THSD7A: variants seen among roughly 807,000 people sequenced by gnomAD.
THSD7A encodes the protein thrombospondin type-1 domain-containing protein 7A.
Under a neutral mutation model 231.3 loss-of-function variants are expected in THSD7A, and 96 were observed. The observed-to-expected ratio is 0.41, with a 90% confidence interval of 0.35 to 0.49. The LOEUF is 0.49. Among genes scored for constraint, THSD7A ranks in the 20% least tolerant of loss-of-function variants. THSD7A has a pLI of 0.05. For synonymous variants in THSD7A, 940 were observed against 743.3 expected, an observed-to-expected ratio of 1.26 and a Z score of -4.30; for missense variants, 2,290 against 2,070.2, an observed-to-expected ratio of 1.11 and a Z score of -2.06.
At chr7:11,445,338 T>G (rs1264764302) in intron 13 of THSD7A, among the ~76,000 whole-genome samples, 1 of 152,088 alleles carries the variant, frequency 6.6e-6, no homozygotes, top group Non-Finnish European at 1.5e-5. Flanking sequence ...CAGAGAAAAT[T>G]GCTTAATACT....
chr7:11,794,010 C>T (rs1005764637), intron 1 of THSD7A, among the ~76,000 whole-genome samples: 2 of 151,374 alleles, frequency 1.3e-5, no homozygotes, highest in African/African-American at 2.4e-5. Flanking sequence ...TTTTCAAAAA[C>T]GAATGTGAAA....
chr7:11,526,482 T>C (rs1192889783), intron 6 of THSD7A, among the ~76,000 whole-genome samples: 1 of 152,156 alleles, frequency 6.6e-6, no homozygotes, highest in Non-Finnish European at 1.5e-5. Context: ...TGATTACATA[T>C]TTTCCCATCT....
chr7:11,612,242 G>A (rs1011275564), intron 2 of THSD7A, among the ~76,000 whole-genome samples: 1 of 152,040 alleles, frequency 6.6e-6, no homozygotes, highest in African/African-American at 2.4e-5. Context: ...CATGCTGCAG[G>A]CATCCCAGGG....
chr7:11,684,336 T>C (rs1779953273), intron 1 of THSD7A, among the ~76,000 whole-genome samples: 1 of 151,400 alleles, frequency 6.6e-6, no homozygotes, highest in South Asian at 2.1e-4. Context: ...GACAAGGATG[T>C]TTGTTCTCAT....
intron 6 of THSD7A, among the ~76,000 whole-genome samples, chr7:11,494,900 T>C (rs1175394894): frequency 6.6e-6 from 1 of 152,152 alleles, no homozygotes; most frequent in Non-Finnish European, 1.5e-5. Context: ...AGAGATAATC[T>C]ATGCTTAAAA....
intron 6 of THSD7A, among the ~76,000 whole-genome samples, chr7:11,535,079 T>C (rs1254415632): frequency 1.3e-5 from 2 of 152,218 alleles, no homozygotes; most frequent in East Asian, 3.8e-4. Flanking sequence ...TTTGAAGTTG[T>C]AGCTAACATT....
chr7:11,815,300 C>T (rs1182094387), intron 1 of THSD7A, among the ~76,000 whole-genome samples: 1 of 151,520 alleles, frequency 6.6e-6, no homozygotes, highest in African/African-American at 2.4e-5. Context: ...AGTGATGGAC[C>T]TGCAGCAGGG....
At chr7:11,403,862 G>T (rs551496742) in intron 22 of THSD7A, among the ~76,000 whole-genome samples, 18 of 151,920 alleles carry the variant, frequency 1.2e-4, no homozygotes, top group South Asian at 4.2e-4. Context: ...AAAATTACCC[G>T]ATGCCTGCCA....
intron 17 of THSD7A, among the ~76,000 whole-genome samples, chr7:11,414,971 T>C (rs1157654232): frequency 6.6e-6 from 1 of 152,192 alleles, no homozygotes; most frequent in African/African-American, 2.4e-5. Flanking sequence ...GAAGAAACAA[T>C]GTGAGTTAAA....
At chr7:11,799,806 T>C (rs1784227677) in intron 1 of THSD7A, among the ~76,000 whole-genome samples, 1 of 152,322 alleles carries the variant, frequency 6.6e-6, no homozygotes, top group East Asian at 1.9e-4. Context: ...AGGAAGAATT[T>C]TGTTATATGA....
intron 23 of THSD7A, among the ~76,000 whole-genome samples, chr7:11,394,699 C>T (rs529085604): frequency 5.9e-5 from 9 of 152,304 alleles, no homozygotes; most frequent in East Asian, 3.9e-4. Context: ...TTTGGAATCA[C>T]GCCTACACTG....
intron 6 of THSD7A, among the ~76,000 whole-genome samples, chr7:11,493,408 G>T: frequency 6.6e-6 from 1 of 152,022 alleles, no homozygotes; most frequent in Non-Finnish European, 1.5e-5. Context: ...CAAACCTGAT[G>T]GGAAGTTTCT....
chr7:11,416,068 G>T (rs944815137), intron 17 of THSD7A, among the ~76,000 whole-genome samples: 4 of 152,076 alleles, frequency 2.6e-5, no homozygotes, highest in African/African-American at 9.7e-5. Flanking sequence ...TTTCTTTAAA[G>T]AAATATAAAG....
intron 1 of THSD7A, among the ~76,000 whole-genome samples, chr7:11,710,090 ATTT>A (rs533515786): frequency 6.0e-5 from 9 of 150,244 alleles, no homozygotes; most frequent in South Asian, 2.1e-4. Flanking sequence ...AATAAATGCT[ATTT>A]TTTTTTAAAA....
chr7:11,805,610 A>G (rs560604574), intron 1 of THSD7A, among the ~76,000 whole-genome samples: 19 of 152,238 alleles, frequency 1.2e-4, no homozygotes, highest in Non-Finnish European at 2.2e-4. Flanking sequence ...GAAGGGATTT[A>G]TTGATAATTT....
intron 22 of THSD7A, among the ~76,000 whole-genome samples, chr7:11,403,734 G>A (rs1039607560): frequency 4.6e-5 from 7 of 151,960 alleles, no homozygotes; most frequent in African/African-American, 1.5e-4. Context: ...TGTAATTTTC[G>A]CCCCTAAGTA....
chr7:11,522,354 A>T (rs1416177897), intron 6 of THSD7A, among the ~76,000 whole-genome samples: 2 of 152,244 alleles, frequency 1.3e-5, no homozygotes, highest in Admixed American at 6.5e-5. Flanking sequence ...AAATAGTGGA[A>T]ATCAATATAA....
intron 13 of THSD7A, among the ~76,000 whole-genome samples, chr7:11,431,188 C>T (rs959251557): frequency 6.6e-6 from 1 of 152,140 alleles, no homozygotes; most frequent in African/African-American, 2.4e-5. Flanking sequence ...GTTTGAAGAA[C>T]AAAAGTTTTA....
intron 6 of THSD7A, among the ~76,000 whole-genome samples, chr7:11,500,175 TAAAGA>T (rs1244353527): frequency 6.6e-6 from 1 of 151,978 alleles, no homozygotes; most frequent in African/African-American, 2.4e-5. Context: ...TCAACATTCT[TAAAGA>T]AAAGAAAAAA....
Sources: allele counts gnomAD v4.1 joint callset (sites outside exome capture counted in the v4.1 genomes callset), GRCh38; gene constraint gnomAD v4.1.1; transcripts MANE v1.5; gene names NCBI Gene and HGNC (gene_info 2026-07-23, HGNC 2026-07-21).